Variants in UQCC4 observed in about 807,000 individuals in gnomAD.
The protein encoded by UQCC4 is ubiquinol-cytochrome c reductase complex assembly factor 4.
the UQCC4 span, chr16:1,420,718 A>G: frequency 6.5e-6 from 10 of 1,540,240 alleles, no homozygotes; most frequent in Non-Finnish European, 8.7e-6. Context: ...ACAAGACACG[A>G]TTCATTGCTG....
the UQCC4 span, chr16:1,420,644 C>G: frequency 5.2e-6 from 8 of 1,549,758 alleles, no homozygotes; most frequent in Middle Eastern, 1.8e-4. Flanking sequence ...GCGCTCCGCC[C>G]GCCCGCCGGT....
the UQCC4 span, chr16:1,420,387 G>A: frequency 9.3e-6 from 15 of 1,614,234 alleles, no homozygotes; most frequent in Admixed American, 3.3e-5. Flanking sequence ...TCAGCGCCAC[G>A]AGGAAGCAGC....
chr16:1,420,309 C>A, the UQCC4 span: 3 of 1,614,182 alleles, frequency 1.9e-6, no homozygotes, highest in Non-Finnish European at 1.7e-6. Context: ...TGGGCTCTGG[C>A]ACCTCTCCCC....
the UQCC4 span, chr16:1,420,339 G>T: frequency 6.2e-7 from 1 of 1,614,156 alleles, no homozygotes; most frequent in East Asian, 2.2e-5. Flanking sequence ...TCAACCACTG[G>T]TCCGCCTCGC....
At chr16:1,420,601 G>A in the UQCC4 span, 13 of 1,579,704 alleles carry the variant, frequency 8.2e-6, no homozygotes, top group African/African-American at 5.4e-5. Flanking sequence ...GAGCCTCAGC[G>A]CCCGGACGGC....
the UQCC4 span, chr16:1,420,515 C>CCA: frequency 6.2e-7 from 1 of 1,614,232 alleles, no homozygotes. Flanking sequence ...TCAGGGTCGT[C>CCA]CTCTTCCTCG....
the UQCC4 span, chr16:1,420,685 A>G: frequency 6.5e-7 from 1 of 1,546,532 alleles, no homozygotes; most frequent in Non-Finnish European, 8.7e-7. Flanking sequence ...GACCTTGAGG[A>G]GCTCACCCGG....
Sources: allele counts gnomAD v4.1 joint callset, GRCh38; gene constraint gnomAD v4.1.1; transcripts MANE v1.5; gene names NCBI Gene and HGNC (gene_info 2026-07-23, HGNC 2026-07-21).